AKAP19: variants seen among roughly 807,000 people sequenced by gnomAD.
AKAP19 encodes small A-kinase anchoring protein.
chr2:190,173,149 T>C, the AKAP19 span, among the ~76,000 whole-genome samples: 1 of 152,054 alleles, frequency 6.6e-6, no homozygotes, highest in Non-Finnish European at 1.5e-5. Flanking sequence ...TGAGATGGCA[T>C]GTGAAGGGCT....
chr2:189,928,513 A>G, the AKAP19 span, among the ~76,000 whole-genome samples: 2 of 152,126 alleles, frequency 1.3e-5, no homozygotes, highest in East Asian at 3.8e-4. Flanking sequence ...GTTTCCTTCA[A>G]ATTTGCTTTA....
At chr2:190,138,560 C>A in the AKAP19 span, among the ~76,000 whole-genome samples, 1 of 152,200 alleles carries the variant, frequency 6.6e-6, no homozygotes, top group South Asian at 2.1e-4. Context: ...GCTGAGAAGT[C>A]TCATCCACTC....
At chr2:189,993,660 A>AT in the AKAP19 span, among the ~76,000 whole-genome samples, 6 of 151,340 alleles carry the variant, frequency 4.0e-5, no homozygotes, top group Non-Finnish European at 8.9e-5. Flanking sequence ...AGGTTTTTTT[A>AT]TTTTTTATTA....
the AKAP19 span, among the ~76,000 whole-genome samples, chr2:190,183,833 TTC>T: frequency 5.3e-5 from 8 of 151,802 alleles, no homozygotes; most frequent in Non-Finnish European, 1.2e-4. Context: ...TGCACCTTAG[TTC>T]TCTCTTAGTG....
the AKAP19 span, among the ~76,000 whole-genome samples, chr2:190,165,108 A>G: frequency 6.6e-6 from 1 of 152,222 alleles, no homozygotes; most frequent in Non-Finnish European, 1.5e-5. Context: ...AACCCTGATT[A>G]TATTATTAGC....
At chr2:190,007,437 G>T in the AKAP19 span, among the ~76,000 whole-genome samples, 2 of 152,048 alleles carry the variant, frequency 1.3e-5, no homozygotes, top group Non-Finnish European at 2.9e-5. Context: ...ACAACCTATG[G>T]GGAATTTCTC....
At chr2:190,050,357 C>A in the AKAP19 span, among the ~76,000 whole-genome samples, 1 of 152,228 alleles carries the variant, frequency 6.6e-6, no homozygotes. Context: ...AGTTAGATTG[C>A]CCTTCAGTTA....
At chr2:190,069,364 C>T in the AKAP19 span, among the ~76,000 whole-genome samples, 21 of 152,106 alleles carry the variant, frequency 1.4e-4, no homozygotes, top group Admixed American at 1.4e-3. Context: ...ATTGAATTGG[C>T]AAATAATTTG....
the AKAP19 span, among the ~76,000 whole-genome samples, chr2:190,186,231 C>T: frequency 4.6e-5 from 7 of 152,180 alleles, no homozygotes; most frequent in South Asian, 2.1e-4. The surrounding 1 kb of genome is among the most constrained non-coding windows in gnomAD (Gnocchi z 5.5). Flanking sequence ...GGATTACAGG[C>T]GTGAGCCACC....
At chr2:190,074,037 G>A in the AKAP19 span, among the ~76,000 whole-genome samples, 10 of 141,592 alleles carry the variant, frequency 7.1e-5, no homozygotes, top group Admixed American at 4.9e-4. Context: ...GTGAGATTCC[G>A]TCTCAGAAAA....
chr2:190,190,142 A>G, the AKAP19 span: 1 of 152,250 alleles, frequency 6.6e-6, no homozygotes, highest in Non-Finnish European at 1.5e-5. Context: ...GTTTTAACAT[A>G]TACCTCATGT....
chr2:189,922,219 G>GA, the AKAP19 span, among the ~76,000 whole-genome samples: 1 of 152,120 alleles, frequency 6.6e-6, no homozygotes, highest in East Asian at 1.9e-4. Flanking sequence ...AAAGGAGACT[G>GA]AAAAGACAAG....
the AKAP19 span, among the ~76,000 whole-genome samples, chr2:190,183,610 CTTTCT>C: frequency 1.1e-4 from 16 of 151,654 alleles, no homozygotes; most frequent in Admixed American, 8.5e-4. Context: ...AATTCTAATT[CTTTCT>C]TTTAATTTTG....
the AKAP19 span, among the ~76,000 whole-genome samples, chr2:189,974,018 C>T: frequency 6.6e-6 from 1 of 152,134 alleles, no homozygotes; most frequent in Non-Finnish European, 1.5e-5. Flanking sequence ...TTGCCTTCTG[C>T]TAGCTTTTGA....
the AKAP19 span, among the ~76,000 whole-genome samples, chr2:190,112,773 A>C: frequency 6.6e-6 from 1 of 152,058 alleles, no homozygotes; most frequent in Non-Finnish European, 1.5e-5. Flanking sequence ...AGGATTTTGC[A>C]TCTATGCTTA....
At chr2:190,185,649 T>C in the AKAP19 span, among the ~76,000 whole-genome samples, 1 of 152,144 alleles carries the variant, frequency 6.6e-6, no homozygotes, top group African/African-American at 2.4e-5. Context: ...TGTGTATGTG[T>C]GTGGTTTTTT....
the AKAP19 span, among the ~76,000 whole-genome samples, chr2:189,986,162 G>T: frequency 6.6e-6 from 1 of 152,150 alleles, no homozygotes; most frequent in Non-Finnish European, 1.5e-5. Context: ...CCACCAGCCA[G>T]AGACCACAGT....
At chr2:190,196,236 C>T in the AKAP19 span, among the ~76,000 whole-genome samples, 1 of 151,852 alleles carries the variant, frequency 6.6e-6, no homozygotes, top group Admixed American at 6.6e-5. Context: ...TCTTTAGTGG[C>T]TGCTCTATGT....
At chr2:189,915,759 A>C in the AKAP19 span, among the ~76,000 whole-genome samples, 32 of 152,262 alleles carry the variant, frequency 2.1e-4, 1 homozygote, top group Admixed American at 2.1e-3. Context: ...ATCCATTATA[A>C]GGTAATTCTT....
Sources: allele counts gnomAD v4.1 joint callset (sites outside exome capture counted in the v4.1 genomes callset), GRCh38; gene constraint gnomAD v4.1.1; non-coding constraint Gnocchi (gnomAD v3.1); transcripts MANE v1.5; gene names NCBI Gene and HGNC (gene_info 2026-07-23, HGNC 2026-07-21).